The following RBMS2 variants were observed in gnomAD, a reference collection of about 807,000 sequenced individuals.
The protein encoded by RBMS2 is RNA-binding motif, single-stranded-interacting protein 2.
RBMS2 carries 38 observed loss-of-function variants against 58.4 expected under a neutral mutation model. The ratio of observed to expected loss-of-function variants is 0.65; its 90% confidence interval spans 0.50 to 0.85. The LOEUF (loss-of-function observed/expected upper bound fraction) is 0.85. RBMS2 is among the 40% of genes least tolerant of loss of function. The pLI, the probability that RBMS2 is intolerant of heterozygous loss-of-function variation, is 0.00. For synonymous variants in RBMS2, 151 were observed against 180.7 expected (o/e 0.84, Z 1.32); for missense variants, 367 against 503.7 (o/e 0.73, Z 2.60).
In RBMS2 at chr12:56,562,521, C is replaced by A; in HGVS notation, c.171C>A (p.Asn57Lys). ...SNGNDQLSKT[N>K]LYIRGLQPGT... ...GAAATGACCAGCTGAGCAAAACCAA[C>A]CTATACATCCGAGGATTGCAACCAG... The change falls in exon 2 of 14, where the codon AAC (asparagine) becomes AAA (lysine). Residue 57 changes from asparagine to lysine, a missense_variant. Asn to Lys is a moderately conservative substitution (Grantham distance 94). Transcript: ENST00000262031. The A allele has an allele frequency of 6.2e-7, 1 of 1,612,002 alleles. No individual in the cohort carries two copies. The highest frequency in any genetic ancestry group is 8.5e-7 in the Non-Finnish European group (1 of 1,178,006).
chr12:56,524,227 T>C (rs1872243686), intron 1 of RBMS2, among the ~76,000 whole-genome samples: 1 of 152,074 alleles, frequency 6.6e-6, no homozygotes, highest in Non-Finnish European at 1.5e-5. Context: ...ATTGTTGGAA[T>C]TGGTTGGGGA....
In RBMS2 at chr12:56,569,926, C is replaced by T; in HGVS notation, c.320C>T (p.Pro107Leu). The change falls in exon 4 of 14, where the codon CCT becomes CTT. Residue 107 changes from proline to leucine, a missense_variant. Transcript: ENST00000262031. ...KGYGFVDFDS[P>L]SAAQKAVTAL... Reference sequence around the variant, plus strand: ...TATGGCTTTGTAGATTTTGACAGCCCTTCAGCAGCACAGAAAGCTGTAACA... The same window carrying T: ...TATGGCTTTGTAGATTTTGACAGCCTTTCAGCAGCACAGAAAGCTGTAACA... 1 of 1,613,962 alleles carries T rather than the reference C, an allele frequency of 6.2e-7. No individual in the cohort carries two copies.
intron 1 of RBMS2, among the ~76,000 whole-genome samples, chr12:56,546,141 A>G (rs1473036187): frequency 2.0e-5 from 3 of 149,512 alleles, no homozygotes; most frequent in African/African-American, 7.3e-5. Context: ...TTTTTGAGAC[A>G]GAGTCTTGCT....
At position 56,587,629 on chromosome 12, in the gene RBMS2, C is replaced by T; in HGVS notation, c.1027C>T (p.Gln343Ter). 1 of 1,613,754 alleles carries T rather than the reference C, an allele frequency of 6.2e-7. No individual in the cohort carries two copies. Among genetic ancestry groups the T allele is most frequent in the Non-Finnish European group, 8.5e-7 (1 of 1,179,670 alleles). The change falls in exon 11 of 14, where the codon CAA becomes TAA. Residue 343 changes from glutamine to a stop codon, truncating the protein, a stop_gained. Coordinates refer to ENST00000262031, the MANE Select transcript of RBMS2 (RefSeq NM_002898.4). LOFTEE classifies it high-confidence loss of function. The stretch of plus-strand genomic sequence containing the variant: ...CTCCATGATGGGACCCCTTACCCAG[C>T]AACTGGGCCATCTCTCCCTCAGCAG... Reference protein sequence around the residue: ...PASMMGPLTQQLGHLSLSSTG... With the variant: ...PASMMGPLTQ
At chr12:56,548,068 A>G (rs1877581316) in intron 1 of RBMS2, among the ~76,000 whole-genome samples, 1 of 152,194 alleles carries the variant, frequency 6.6e-6, no homozygotes, top group African/African-American at 2.4e-5. Context: ...ATAAATAAAT[A>G]TATTATGAAA....
chr12:56,534,069 G>C (rs941615598), intron 1 of RBMS2, among the ~76,000 whole-genome samples: 1 of 152,054 alleles, frequency 6.6e-6, no homozygotes, highest in Non-Finnish European at 1.5e-5. Flanking sequence ...CCAAATCTGT[G>C]CTTGCAACCA....
chr12:56,579,344 CT>C (rs1453534963), intron 5 of RBMS2, among the ~76,000 whole-genome samples: 1 of 152,096 alleles, frequency 6.6e-6, no homozygotes, highest in Non-Finnish European at 1.5e-5. Context: ...ACAATATCTT[CT>C]TTTGGCTGGT....
chr12:56,588,809 T>TG (rs1174132008), intron 12 of RBMS2, 123 bp from the exon 13 acceptor site: 1 of 836,922 alleles, frequency 1.2e-6, no homozygotes, highest in African/African-American at 1.7e-5. Context: ...CACTCACACA[T>TG]GAGTGTGGAG....
chr12:56,562,454 G>C lies in RBMS2; in HGVS notation c.104G>C (p.Ser35Thr). The C allele has an allele frequency of 6.2e-7, 1 of 1,609,472 alleles. No individual in the cohort carries two copies. Among genetic ancestry groups the C allele is most frequent in the Non-Finnish European group, 8.5e-7 (1 of 1,175,822 alleles). Residue 35 changes from serine to threonine, a missense_variant, in exon 2 of 14, where the codon AGC becomes ACC. Physicochemically the swap from Ser to Thr is moderately conservative, Grantham distance 58. Coordinates refer to ENST00000262031, the MANE Select transcript of RBMS2 (RefSeq NM_002898.4). ...TTGGCTCAGCAGATGGCACCACCTAGCCCAAGCAACAGTACACCTAACAGC... is the reference window on the plus strand; with the variant it reads ...TTGGCTCAGCAGATGGCACCACCTACCCCAAGCAACAGTACACCTAACAGC... ...VSLAQQMAPP[S>T]PSNSTPNSSS...
chr12:56,576,902 G>A (rs1485197664), intron 5 of RBMS2, among the ~76,000 whole-genome samples: 1 of 151,592 alleles, frequency 6.6e-6, no homozygotes, highest in African/African-American at 2.4e-5. Flanking sequence ...TTAGCTAGGT[G>A]TGTTGGTGGG....
intron 5 of RBMS2, among the ~76,000 whole-genome samples, chr12:56,572,219 G>T (rs2136483311): frequency 6.7e-6 from 1 of 150,284 alleles, no homozygotes; most frequent in East Asian, 2.0e-4. Flanking sequence ...AACCTGGGAG[G>T]CAGAGGTTGC....
chr12:56,538,279 C>T (rs1211895349), intron 1 of RBMS2, among the ~76,000 whole-genome samples: 1 of 151,822 alleles, frequency 6.6e-6, no homozygotes, highest in Non-Finnish European at 1.5e-5. Flanking sequence ...GTGATCCACC[C>T]ACCTCAGTCT....
intron 5 of RBMS2, among the ~76,000 whole-genome samples, chr12:56,579,385 C>T (rs1883584510): frequency 6.6e-6 from 1 of 152,160 alleles, no homozygotes; most frequent in Non-Finnish European, 1.5e-5. Context: ...AATCCCAGCA[C>T]TTTGGGAGGA....
chr12:56,537,430 A>G (rs1236285372), intron 1 of RBMS2, among the ~76,000 whole-genome samples: 2 of 152,154 alleles, frequency 1.3e-5, no homozygotes, highest in African/African-American at 4.8e-5. Flanking sequence ...ACCTTATGTA[A>G]GTGGAATCAT....
At chr12:56,540,817 T>C (rs1249014606) in intron 1 of RBMS2, among the ~76,000 whole-genome samples, 1 of 152,154 alleles carries the variant, frequency 6.6e-6, no homozygotes, top group African/African-American at 2.4e-5. Flanking sequence ...AACCTAAATA[T>C]TGGCTGGGCT....
At chr12:56,521,219 A>G (rs1441210587), upstream of RBMS2, among the ~76,000 whole-genome samples, 1 of 152,104 alleles carries the variant, frequency 6.6e-6, no homozygotes, top group Non-Finnish European at 1.5e-5. Flanking sequence ...ACTTGAGGTC[A>G]GGAGTTCGAG....
At chr12:56,562,958 T>TA (rs1286142717) in intron 2 of RBMS2, among the ~76,000 whole-genome samples, 1 of 152,012 alleles carries the variant, frequency 6.6e-6, no homozygotes, top group African/African-American at 2.4e-5. Flanking sequence ...CCGTCTCTAC[T>TA]AAAAATACAA....
intron 1 of RBMS2, among the ~76,000 whole-genome samples, chr12:56,560,714 C>A (rs1250205160): frequency 6.6e-6 from 1 of 152,010 alleles, no homozygotes; most frequent in Non-Finnish European, 1.5e-5. Context: ...ATTATTATTG[C>A]AGAACTAGTA....
intron 4 of RBMS2, 162 bp downstream of exon 4, chr12:56,570,152 G>T (rs1882049323): frequency 1.7e-6 from 1 of 605,906 alleles, no homozygotes; most frequent in African/African-American, 1.9e-5. Flanking sequence ...GCTGCTGGAG[G>T]AAGATGTATT....
Sources: allele counts gnomAD v4.1 joint callset (sites outside exome capture counted in the v4.1 genomes callset), GRCh38; gene constraint gnomAD v4.1.1; transcripts MANE v1.5; gene names NCBI Gene and HGNC (gene_info 2026-07-23, HGNC 2026-07-21).